The following LRRC69 variants were observed in gnomAD, a reference collection of about 807,000 sequenced individuals.
LRRC69 encodes the protein leucine-rich repeat-containing protein 69.
LRRC69 carries 42 observed loss-of-function variants against 37.8 expected under a neutral mutation model. That is an observed-to-expected ratio of 1.11 (90% CI 0.87 to 1.44). The LOEUF is 1.44. LRRC69 is among the 40% of genes most tolerant of loss of function. The probability of loss-of-function intolerance (pLI) is 0.00; values close to 1 mark genes in which losing one functional copy is unlikely to be tolerated. For synonymous variants in LRRC69, 141 were observed against 143.1 expected (o/e 0.99, Z 0.11); for missense variants, 357 against 401.9 (o/e 0.89, Z 0.96).
At chr8:91,117,345 T>G (rs1424342621) in intron 1 of LRRC69, among the ~76,000 whole-genome samples, 1 of 151,972 alleles carries the variant, frequency 6.6e-6, no homozygotes, top group Non-Finnish European at 1.5e-5. Context: ...AAGGTACATC[T>G]AAAAGGATTT....
At chr8:91,120,745 G>A (rs1813603966) in intron 1 of LRRC69, among the ~76,000 whole-genome samples, 1 of 152,080 alleles carries the variant, frequency 6.6e-6, no homozygotes, top group Admixed American at 6.6e-5. Context: ...GATGCTTTAA[G>A]TGGCCTATCT....
chr8:91,196,321 T>C (rs1323899232), intron 6 of LRRC69, among the ~76,000 whole-genome samples: 2 of 151,774 alleles, frequency 1.3e-5, no homozygotes, highest in African/African-American at 4.9e-5. Flanking sequence ...CAATTATGTG[T>C]CTTGGAGTTG....
intron 5 of LRRC69, among the ~76,000 whole-genome samples, chr8:91,183,363 G>A (rs1298253474): frequency 1.3e-5 from 2 of 152,146 alleles, no homozygotes; most frequent in African/African-American, 4.8e-5. Flanking sequence ...GGTAGTGGCA[G>A]GAAAGGTGGA....
intron 1 of LRRC69, among the ~76,000 whole-genome samples, chr8:91,111,482 T>G (rs1399363692): frequency 6.6e-6 from 1 of 151,896 alleles, no homozygotes; most frequent in Non-Finnish European, 1.5e-5. Context: ...TGTAGTGAGC[T>G]GAGATCGTGC....
At chr8:91,142,630 C>T (rs551288172) in intron 5 of LRRC69, among the ~76,000 whole-genome samples, 2 of 152,078 alleles carry the variant, frequency 1.3e-5, no homozygotes, top group African/African-American at 4.8e-5. Context: ...AGTCAGTAGG[C>T]TGGGGATCCC....
chr8:91,218,154 C>T (rs901510047), intron 7 of LRRC69, among the ~76,000 whole-genome samples: 2 of 152,056 alleles, frequency 1.3e-5, no homozygotes, highest in African/African-American at 4.8e-5. Flanking sequence ...AACTAAGCAG[C>T]GTTATCAACC....
intron 7 of LRRC69, among the ~76,000 whole-genome samples, chr8:91,211,421 T>G (rs1809915458): frequency 6.6e-6 from 1 of 151,382 alleles, no homozygotes; most frequent in African/African-American, 2.4e-5. Context: ...TATTACTAGA[T>G]GTTAGCAGTT....
At chr8:91,129,905 C>T (rs1034083526) in intron 3 of LRRC69, among the ~76,000 whole-genome samples, 17 of 152,102 alleles carry the variant, frequency 1.1e-4, no homozygotes, top group African/African-American at 3.4e-4. Flanking sequence ...TTTCAAAAGT[C>T]GTTACTGTCC....
intron 5 of LRRC69, among the ~76,000 whole-genome samples, chr8:91,137,295 A>G (rs1441500648): frequency 6.6e-6 from 1 of 151,952 alleles, no homozygotes; most frequent in Admixed American, 6.6e-5. Context: ...CCCTGGTGCC[A>G]CTGCTACTTC....
intron 6 of LRRC69, 121 bp downstream of exon 6, chr8:91,189,744 G>A (rs948731622): frequency 3.5e-6 from 2 of 567,826 alleles, no homozygotes; most frequent in Non-Finnish European, 6.0e-6. Flanking sequence ...CTAGTCCATT[G>A]GCAATGTGGA....
Position 91,177,178 on chromosome 8 carries a change from G to A in LRRC69, c.652-12344G>A, listed in dbSNP as rs568850684. ...AGAACCATAGATGGCAATTTTAAAT[G>A]GATCATCTCAAAATTATGCTGCACA... On this transcript the variant is annotated intron_variant, in intron 5 of 7. Coordinates refer to ENST00000448384, the Ensembl canonical transcript of LRRC69. 1.6e-4 allele frequency among the ~76,000 whole-genome samples: 24 copies of A among 152,140 alleles called. No individual in the cohort carries two copies. In the East Asian group the frequency reaches 4.1e-3, roughly 26 times the overall value.
chr8:91,214,562 C>G (rs1268137391), intron 7 of LRRC69, among the ~76,000 whole-genome samples: 1 of 152,064 alleles, frequency 6.6e-6, no homozygotes, highest in Non-Finnish European at 1.5e-5. Flanking sequence ...CTAATCTTGT[C>G]TCTACCTTGA....
intron 1 of LRRC69, among the ~76,000 whole-genome samples, chr8:91,114,090 C>T (rs1813463105): frequency 6.8e-6 from 1 of 147,688 alleles, no homozygotes; most frequent in Non-Finnish European, 1.5e-5. Flanking sequence ...ATCAATGAAA[C>T]ACAAAGCAAA....
chr8:91,165,594 C>A (rs954167657), intron 5 of LRRC69, among the ~76,000 whole-genome samples: 4 of 151,598 alleles, frequency 2.6e-5, no homozygotes, highest in Non-Finnish European at 5.9e-5. Flanking sequence ...GTATTTGGAC[C>A]TCAGATTTTT....
At chr8:91,158,421 A>G (rs61733744) in intron 5 of LRRC69, 88,822 of 1,380,146 alleles carry the variant, frequency 0.064, 3,500 homozygotes, top group Middle Eastern at 0.12. Context: ...AAAGATGATG[A>G]GGAATTCATA....
At chr8:91,190,108 C>G (rs964041033) in intron 6 of LRRC69, among the ~76,000 whole-genome samples, 1 of 152,104 alleles carries the variant, frequency 6.6e-6, no homozygotes, top group Non-Finnish European at 1.5e-5. Context: ...ATCACAGGTC[C>G]TCCCACATTT....
intron 6 of LRRC69, among the ~76,000 whole-genome samples, chr8:91,194,275 C>A (rs940884696): frequency 6.7e-6 from 1 of 148,564 alleles, no homozygotes; most frequent in African/African-American, 2.5e-5. Flanking sequence ...ATTTTTGCAT[C>A]AATGTTCATC....
chr8:91,130,014 G>GTAC (rs1813781909), intron 3 of LRRC69, among the ~76,000 whole-genome samples: 1 of 151,782 alleles, frequency 6.6e-6, no homozygotes, highest in Non-Finnish European at 1.5e-5. Context: ...TTTGACAAAT[G>GTAC]TACGCACACC....
intron 5 of LRRC69, among the ~76,000 whole-genome samples, chr8:91,149,547 T>C (rs78044144): frequency 0.029 from 4,443 of 151,914 alleles, 197 homozygotes; most frequent in East Asian, 0.21. Context: ...CTTTTGGTTT[T>C]GGATCGACTT....
Sources: gnomAD v4.1 joint callset for allele counts (sites outside exome capture counted in the v4.1 genomes callset) on GRCh38, gnomAD v4.1.1 for gene constraint, MANE v1.5 for transcripts, NCBI Gene and HGNC (gene_info 2026-07-23, HGNC 2026-07-21) for gene names.